The following RASAL2 variants were observed in gnomAD, a reference collection of about 807,000 sequenced individuals.
RASAL2 encodes the protein ras GTPase-activating protein nGAP.
RASAL2 carries 58 observed loss-of-function variants against 128.9 expected under a neutral mutation model. The observed-to-expected ratio is 0.45, with a 90% confidence interval of 0.36 to 0.56. The LOEUF is 0.56. RASAL2 is among the 20% of genes least tolerant of loss of function. The pLI, the probability that RASAL2 is intolerant of heterozygous loss-of-function variation, is 0.00. For synonymous variants in RASAL2, 561 were observed against 580.8 expected, an observed-to-expected ratio of 0.97 and a Z score of 0.49; for missense variants, 1,360 against 1,601.6, an observed-to-expected ratio of 0.85 and a Z score of 2.57.
chr1:178,318,159 A>G lies in RASAL2; in HGVS notation c.457+18041A>G, dbSNP rs532658290. ...TGGATTGCACTGTGGTCTGAGAGACAGTTTGTTATAATTTCTGTTCTTTTA... is the reference window on the plus strand; with the variant it reads ...TGGATTGCACTGTGGTCTGAGAGACGGTTTGTTATAATTTCTGTTCTTTTA... On this transcript the variant is annotated intron_variant, in intron 3 of 17. Coordinates refer to ENST00000367649, the MANE Select transcript of RASAL2 (RefSeq NM_170692.4). Among the ~76,000 whole-genome samples, 1,313 of 152,144 alleles carry G rather than the reference A, an allele frequency of 8.6e-3. 19 individuals are homozygous for G. Among genetic ancestry groups the G allele is most frequent in the African/African-American group, 0.03 (1,236 of 41,486 alleles).
intron 1 of RASAL2, among the ~76,000 whole-genome samples, chr1:178,200,802 T>G (rs1419963683): frequency 6.6e-6 from 1 of 152,172 alleles, no homozygotes; most frequent in Non-Finnish European, 1.5e-5. Context: ...TAAACTCTGA[T>G]GAACCCTTTT....
chr1:178,309,537 T>G (rs768671798), intron 3 of RASAL2, among the ~76,000 whole-genome samples: 35 of 152,178 alleles, frequency 2.3e-4, no homozygotes, highest in Admixed American at 1.3e-4. Flanking sequence ...TATATATTTA[T>G]TCTTTGAAAT....
intron 5 of RASAL2, among the ~76,000 whole-genome samples, chr1:178,421,021 C>A (rs571174863): frequency 2.0e-5 from 3 of 151,994 alleles, no homozygotes; most frequent in Non-Finnish European, 4.4e-5. Context: ...TTATAATAAC[C>A]GTATATGATA....
chr1:178,172,411 T>C (rs1051609977), intron 1 of RASAL2, among the ~76,000 whole-genome samples: 12 of 152,030 alleles, frequency 7.9e-5, no homozygotes, highest in African/African-American at 2.7e-4. Context: ...TAAGCTACCA[T>C]TGAATATTCT....
intron 1 of RASAL2, among the ~76,000 whole-genome samples, chr1:178,234,120 T>C (rs1024780186): frequency 1.3e-5 from 2 of 152,244 alleles, no homozygotes; most frequent in African/African-American, 4.8e-5. Flanking sequence ...ATGTTGTTAA[T>C]TCTTGAACTC....
chr1:178,287,630 G>GTGTA (rs1419783825), intron 2 of RASAL2, among the ~76,000 whole-genome samples: 2 of 152,086 alleles, frequency 1.3e-5, no homozygotes, highest in East Asian at 3.9e-4. Flanking sequence ...AGAAAATATG[G>GTGTA]TGTATGTATA....
chr1:178,411,920 C>A, intron 4 of RASAL2: 1 of 663,830 alleles, frequency 1.5e-6, no homozygotes. Flanking sequence ...CCCTTGCCCG[C>A]TTGAGTATGA....
chr1:178,193,938 C>T (rs1226213605), intron 1 of RASAL2, among the ~76,000 whole-genome samples: 1 of 152,176 alleles, frequency 6.6e-6, no homozygotes, highest in Admixed American at 6.5e-5. Flanking sequence ...GACATATCTT[C>T]ACCCTTGAAA....
At chr1:178,313,186 A>G (rs1174220020) in intron 3 of RASAL2, among the ~76,000 whole-genome samples, 1 of 152,180 alleles carries the variant, frequency 6.6e-6, no homozygotes, top group Non-Finnish European at 1.5e-5. Context: ...TTATTATGTA[A>G]CTATATAGGG....
chr1:178,453,416 T>G (rs1220285253), intron 11 of RASAL2, among the ~76,000 whole-genome samples: 1 of 151,734 alleles, frequency 6.6e-6, no homozygotes. Context: ...AAAAAATCTG[T>G]CTAGAAAGAG....
At chr1:178,434,616 C>T (rs1246803582) in intron 5 of RASAL2, among the ~76,000 whole-genome samples, 1 of 152,012 alleles carries the variant, frequency 6.6e-6, no homozygotes, top group African/African-American at 2.4e-5. Context: ...ACATAAAAAT[C>T]AGTGAGTAAT....
At chr1:178,262,427 A>G (rs556648830) in intron 1 of RASAL2, among the ~76,000 whole-genome samples, 9 of 152,222 alleles carry the variant, frequency 5.9e-5, no homozygotes, top group Admixed American at 5.2e-4. Flanking sequence ...CATAGGATTT[A>G]AGGCTTAATT....
At chr1:178,287,538 G>C (rs549648640) in intron 2 of RASAL2, among the ~76,000 whole-genome samples, 1 of 152,152 alleles carries the variant, frequency 6.6e-6, no homozygotes, top group Non-Finnish European at 1.5e-5. Context: ...CATGTTTACA[G>C]CACACATGTT....
chr1:178,454,388 C>G (rs1677617481), intron 11 of RASAL2, 59 bp from the exon 12 acceptor site: 3 of 1,405,150 alleles, frequency 2.1e-6, no homozygotes, highest in Non-Finnish European at 3.0e-6. Context: ...AATGTCAAAT[C>G]AAAATGATCA....
At chr1:178,146,510 G>C (rs778426068) in intron 1 of RASAL2, among the ~76,000 whole-genome samples, 1 of 152,168 alleles carries the variant, frequency 6.6e-6, no homozygotes, top group African/African-American at 2.4e-5. Flanking sequence ...CCATTTTTGC[G>C]TGTAATCATG....
chr1:178,196,253 G>A (rs879201798), intron 1 of RASAL2, among the ~76,000 whole-genome samples: 1 of 151,954 alleles, frequency 6.6e-6, no homozygotes, highest in Admixed American at 6.6e-5. Flanking sequence ...GAATTTGGGG[G>A]CCATTCATAT....
At chr1:178,428,043 CTTTT>C (rs74263839) in intron 5 of RASAL2, among the ~76,000 whole-genome samples, 1 of 141,390 alleles carries the variant, frequency 7.1e-6, no homozygotes, top group Non-Finnish European at 1.5e-5. Context: ...TTGAGATTGG[CTTTT>C]TTTTTTTTTT....
chr1:178,263,731 A>C (rs1483121664), intron 1 of RASAL2, among the ~76,000 whole-genome samples: 1 of 152,168 alleles, frequency 6.6e-6, no homozygotes, highest in Non-Finnish European at 1.5e-5. Context: ...CGTTTAAAAA[A>C]AAAAATTGAG....
rs751174399 is a variant in RASAL2 at position 178,309,887 on chromosome 1, G to A, written c.457+9769G>A. Reference sequence around the variant, plus strand: ...GATAGAAGGAGGGTTATTTAAAAGCGGATAGAATGTTGTTACAACAGGCAT... The same window carrying A: ...GATAGAAGGAGGGTTATTTAAAAGCAGATAGAATGTTGTTACAACAGGCAT... On this transcript the variant is annotated intron_variant, in intron 3 of 17. Coordinates refer to ENST00000367649, the MANE Select transcript of RASAL2 (RefSeq NM_170692.4). Among the ~76,000 whole-genome samples, 6 of 149,706 alleles carry A rather than the reference G, an allele frequency of 4.0e-5. 1 individual carries two copies. Among genetic ancestry groups the A allele is most frequent in the Admixed American group, 2.0e-4 (3 of 15,138 alleles).
Sources: allele counts gnomAD v4.1 joint callset (sites outside exome capture counted in the v4.1 genomes callset), GRCh38; gene constraint gnomAD v4.1.1; transcripts MANE v1.5; gene names NCBI Gene and HGNC (gene_info 2026-07-23, HGNC 2026-07-21).